Variants in SIPA1L2 observed in about 807,000 individuals in gnomAD.
SIPA1L2 encodes the protein signal-induced proliferation-associated 1-like protein 2.
Under a neutral mutation model 163.9 loss-of-function variants are expected in SIPA1L2, and 56 were observed. The ratio of observed to expected loss-of-function variants is 0.34; its 90% CI spans 0.28 to 0.43. The LOEUF (loss-of-function observed/expected upper bound fraction) is 0.43. SIPA1L2 is among the 20% of genes least tolerant of loss of function. The pLI, the probability that SIPA1L2 is intolerant of heterozygous loss-of-function variation, is 1.00. For missense variants in SIPA1L2, 1,974 were observed against 2,193.5 expected (o/e 0.90, Z 2.00); for synonymous variants, 877 against 865.7 (o/e 1.01, Z -0.23).
At chr1:232,466,974 G>A (rs1422553487) in intron 8 of SIPA1L2, among the ~76,000 whole-genome samples, 1 of 152,156 alleles carries the variant, frequency 6.6e-6, no homozygotes, top group Non-Finnish European at 1.5e-5. Flanking sequence ...AAGAAAGGAA[G>A]CAATCTTTGT....
chr1:232,593,937 CA>C (rs1279804214), intron 1 of SIPA1L2, among the ~76,000 whole-genome samples: 1 of 152,208 alleles, frequency 6.6e-6, no homozygotes, highest in African/African-American at 2.4e-5. Flanking sequence ...CTCAAAGCCA[CA>C]AGGGCAAGCT....
chr1:232,516,926 G>T (rs1667243337), intron 2 of SIPA1L2, among the ~76,000 whole-genome samples: 1 of 151,992 alleles, frequency 6.6e-6, no homozygotes, highest in African/African-American at 2.4e-5. Flanking sequence ...CATGAGTTTG[G>T]AAAATATGTA....
rs1025085434 is a variant in SIPA1L2, at chr1:232,630,114, T to C, written c.-564A>G. ...CTCCTCCTCCTCTCGCTCCGCCAGC[T>C]CCTCCCGGGCTCCCAGTCTGCCGCG... On this transcript the variant is annotated 5_prime_UTR_variant, in exon 1 of 23. Transcript: ENST00000674635. Among the ~76,000 whole-genome samples, 36 of 150,806 alleles carry C rather than the reference T, an allele frequency of 2.4e-4. No individual in the cohort carries two copies. The highest frequency in any genetic ancestry group is 4.9e-4 in the Non-Finnish European group (33 of 67,566).
intron 18 of SIPA1L2, among the ~76,000 whole-genome samples, chr1:232,417,975 T>G (rs983699245): frequency 1.3e-5 from 2 of 152,188 alleles, no homozygotes; most frequent in Non-Finnish European, 2.9e-5. Context: ...GGGAGCGGAA[T>G]GGAATTCTAT....
At chr1:232,490,682 G>A in intron 5 of SIPA1L2, 192 bp downstream of exon 5, 1 of 545,678 alleles carries the variant, frequency 1.8e-6, no homozygotes, top group South Asian at 3.2e-5. Flanking sequence ...AACTCAGCAG[G>A]AGGTGTGTTA....
intron 2 of SIPA1L2, among the ~76,000 whole-genome samples, chr1:232,545,788 GATA>G (rs1383146295): frequency 1.3e-5 from 2 of 152,068 alleles, no homozygotes; most frequent in African/African-American, 2.4e-5. Context: ...GTATATATGC[GATA>G]ATGTTCTATA....
Position 232,441,354 on chromosome 1 carries a change from G to C in SIPA1L2, c.3579C>G (p.Ser1193=), listed in dbSNP as rs1662881703. 6.3e-7 allele frequency: 1 copy of C among 1,594,954 alleles called. No individual in the cohort carries two copies. The highest frequency in any genetic ancestry group is 1.4e-5 in the African/African-American group (1 of 73,186). The change falls in exon 14 of 23, where the codon TCC becomes TCG. Residue 1193 remains serine, a synonymous_variant. Coordinates refer to ENST00000674635, the MANE Select transcript of SIPA1L2 (RefSeq NM_020808.5). The stretch of plus-strand genomic sequence containing the variant: ...CTTTCTGCAGAGCTCTTTCTTTATA[G>C]GAACCCAGGACTTTGGAAGGTGGGC... ...WHGPPSKVLG[S]YKERALQKDG...
intron 18 of SIPA1L2, among the ~76,000 whole-genome samples, chr1:232,416,793 A>C (rs1411113198): frequency 2.6e-5 from 4 of 152,170 alleles, no homozygotes; most frequent in Admixed American, 2.0e-4. Flanking sequence ...TAAAGCAGAA[A>C]CCACTCACCC....
chr1:232,476,642 A>G (rs898094072), intron 7 of SIPA1L2, among the ~76,000 whole-genome samples: 1 of 152,190 alleles, frequency 6.6e-6, no homozygotes. Flanking sequence ...ACTTTTGAAG[A>G]GAGAAAATAA....
intron 1 of SIPA1L2, among the ~76,000 whole-genome samples, chr1:232,590,522 G>A (rs1323726229): frequency 6.6e-6 from 1 of 152,166 alleles, no homozygotes; most frequent in Admixed American, 6.5e-5. Context: ...GAAAGCAGAG[G>A]GTATGGAGGA....
chr1:232,435,109 T>C lies in SIPA1L2; in HGVS notation c.4032-2638A>G, dbSNP rs1247361720. Among the ~76,000 whole-genome samples the C allele has an allele frequency of 6.6e-5, 10 of 152,274 alleles. No individual in the cohort carries two copies. In the South Asian group the frequency reaches 1.7e-3, roughly 25 times the overall value. On this transcript the variant is annotated intron_variant, in intron 15 of 22. Coordinates refer to ENST00000674635, the MANE Select transcript of SIPA1L2 (RefSeq NM_020808.5). ...AAAGCCTTGGATGATCCCCGAGATG[T>C]TTCGTTGTTAAAGGCTGGGGCACTC... is the stretch of plus-strand genomic sequence containing the variant.
intron 6 of SIPA1L2, 150 bp from the exon 7 acceptor site, chr1:232,479,880 A>T: frequency 1.6e-6 from 1 of 636,216 alleles, no homozygotes; most frequent in Non-Finnish European, 2.8e-6. Flanking sequence ...AGCTTTCATC[A>T]AGCACTGTTT....
chr1:232,567,135 T>C (rs1168933231), intron 2 of SIPA1L2, among the ~76,000 whole-genome samples: 1 of 152,236 alleles, frequency 6.6e-6, no homozygotes, highest in Non-Finnish European at 1.5e-5. Context: ...ATTAGCTATA[T>C]GACCCTTAGG....
chr1:232,501,073 T>C (rs868749764), intron 3 of SIPA1L2, among the ~76,000 whole-genome samples: 92 of 136,050 alleles, frequency 6.8e-4, no homozygotes, highest in Middle Eastern at 4.0e-3. Flanking sequence ...TTTTTTTTTT[T>C]GTGAGACAGA....
chr1:232,471,665 T>C, intron 7 of SIPA1L2, 137 bp from the exon 8 acceptor site: 1 of 813,212 alleles, frequency 1.2e-6, no homozygotes. Flanking sequence ...GCTCCTAAAT[T>C]TGGCATAGAA....
At chr1:232,526,115 C>T (rs1425250573) in intron 2 of SIPA1L2, among the ~76,000 whole-genome samples, 1 of 152,200 alleles carries the variant, frequency 6.6e-6, no homozygotes, top group East Asian at 1.9e-4. Context: ...ATTCCACTTC[C>T]TAACCTCTCT....
Position 232,490,898 on chromosome 1 carries a change from C to T in SIPA1L2, c.1782G>A (p.Gln594=). ...QASNSPKVSE[Q]LLKLDEQGLS... Reference sequence around the variant, plus strand: ...CCCCTTGTTCATCAAGCTTGAGCAGCTGCTCTGAGACCTTGGGTGAGTTGG... The same window carrying T: ...CCCCTTGTTCATCAAGCTTGAGCAGTTGCTCTGAGACCTTGGGTGAGTTGG... Residue 594 remains glutamine, a synonymous_variant, in exon 5 of 23, where the codon CAG becomes CAA. Coordinates refer to ENST00000674635, the MANE Select transcript of SIPA1L2 (RefSeq NM_020808.5). The T allele has an allele frequency of 6.2e-7, 1 of 1,613,952 alleles. No individual in the cohort carries two copies. The highest frequency in any genetic ancestry group is 8.5e-7 in the Non-Finnish European group (1 of 1,179,944).
In SIPA1L2 at chr1:232,489,746, T is replaced by C. The variant is rs75103658; in HGVS notation, c.1806+1128A>G. On this transcript the variant is annotated intron_variant, in intron 5 of 22. Coordinates refer to ENST00000674635, the MANE Select transcript of SIPA1L2 (RefSeq NM_020808.5). ...ATGCAGAAGAATCCTACTTGGGAAA[T>C]TCTAAAAATATACATTGTCACTGTC... 1.2e-3 allele frequency among the ~76,000 whole-genome samples: 180 copies of C among 152,298 alleles called. 3 individuals carry two copies. The East Asian group carries it at 0.019, about 16-fold the overall frequency.
chr1:232,503,859 T>C (rs1489784512), intron 3 of SIPA1L2, among the ~76,000 whole-genome samples: 3 of 152,090 alleles, frequency 2.0e-5, no homozygotes, highest in African/African-American at 4.8e-5. Context: ...TCGAACACTC[T>C]AGAGTTATTT....
Sources: gnomAD v4.1 joint callset for allele counts (sites outside exome capture counted in the v4.1 genomes callset) on GRCh38, gnomAD v4.1.1 for gene constraint, MANE v1.5 for transcripts, NCBI Gene and HGNC (gene_info 2026-07-23, HGNC 2026-07-21) for gene names.